MXRA7: variants seen among roughly 807,000 people sequenced by gnomAD.
MXRA7 encodes matrix remodeling associated 7, also known as matrix-remodeling-associated protein 7.
In MXRA7, 18 loss-of-function variants were observed where a neutral mutation model predicts 17.4. The observed-to-expected ratio is 1.03, with a 90% CI of 0.71 to 1.53. MXRA7 has a LOEUF of 1.53. Ranked by LOEUF, MXRA7 falls within the 40% of genes most tolerant of loss-of-function variation. The pLI is 0.00. For synonymous variants in MXRA7, 70 were observed against 101.7 expected, an observed-to-expected ratio of 0.69 and a Z score of 1.87; for missense variants, 141 against 209.3, an observed-to-expected ratio of 0.67 and a Z score of 2.01.
downstream of MXRA7, chr17:76,677,598 T>C (rs1324848648): frequency 6.2e-7 from 1 of 1,610,406 alleles, no homozygotes; most frequent in Non-Finnish European, 8.5e-7. Context: ...CTACATGTCG[T>C]AGAGCCGGAG....
At chr17:76,694,105 T>C (rs2076507189) in intron 1 of MXRA7, among the ~76,000 whole-genome samples, 1 of 152,182 alleles carries the variant, frequency 6.6e-6, no homozygotes, top group Non-Finnish European at 1.5e-5. Context: ...GGCGGGGGCA[T>C]AGGCCCAGGA....
intron 1 of MXRA7, among the ~76,000 whole-genome samples, chr17:76,701,391 C>T (rs1429608845): frequency 6.6e-6 from 1 of 151,670 alleles, no homozygotes; most frequent in African/African-American, 2.4e-5. Context: ...TGAGGAATGC[C>T]GGGTGGAGGG....
At chr17:76,687,838 G>T (rs938364931) in intron 2 of MXRA7, among the ~76,000 whole-genome samples, 3 of 152,250 alleles carry the variant, frequency 2.0e-5, no homozygotes, top group Non-Finnish European at 4.4e-5. Flanking sequence ...AGGCAGCGCA[G>T]GACAGAGCCA....
chr17:76,688,040 T>C, intron 2 of MXRA7, 73 bp downstream of exon 2: 2 of 1,119,784 alleles, frequency 1.8e-6, no homozygotes, highest in Non-Finnish European at 2.6e-6. Context: ...CCCCAGCTCC[T>C]GTGATCCCCA....
chr17:76,674,108 A>G (rs1407885377), exon 4 of MXRA7: 2 of 152,210 alleles, frequency 1.3e-5, no homozygotes. Flanking sequence ...GTGCAGCTGA[A>G]TGCTTTAGGT....
chr17:76,677,968 A>G (rs2076254940), downstream of MXRA7, among the ~76,000 whole-genome samples: 1 of 152,194 alleles, frequency 6.6e-6, no homozygotes, highest in South Asian at 2.1e-4. Flanking sequence ...GGTATCACTT[A>G]GGTGCTCTGT....
At chr17:76,685,314 CCT>C (rs1203021076) in intron 2 of MXRA7, 149 bp from the exon 3 acceptor site, 7 of 634,538 alleles carry the variant, frequency 1.1e-5, no homozygotes, top group African/African-American at 7.4e-5. Context: ...GCCTATACCC[CCT>C]CTCGTTCCAT....
At chr17:76,700,385 C>T (rs1409392881) in intron 1 of MXRA7, among the ~76,000 whole-genome samples, 2 of 152,172 alleles carry the variant, frequency 1.3e-5, no homozygotes, top group African/African-American at 4.8e-5. Flanking sequence ...CCGTCTCTGT[C>T]TGAACGCTTC....
chr17:76,698,056 G>T (rs990371355), intron 1 of MXRA7, among the ~76,000 whole-genome samples: 1 of 152,298 alleles, frequency 6.6e-6, no homozygotes, highest in East Asian at 1.9e-4. Context: ...AAGGTCTCTT[G>T]TGGCCCTGTG....
chr17:76,708,916 G>A (rs1278442802), intron 1 of MXRA7, among the ~76,000 whole-genome samples: 3 of 152,140 alleles, frequency 2.0e-5, no homozygotes. Flanking sequence ...GGGGCTGCCT[G>A]GCACGCGAAC....
intron 1 of MXRA7, among the ~76,000 whole-genome samples, chr17:76,691,000 G>A (rs749662820): frequency 9.2e-5 from 14 of 152,112 alleles, no homozygotes; most frequent in Admixed American, 5.9e-4. Flanking sequence ...GGAATTTCCC[G>A]GGTGACAGGA....
At chr17:76,699,967 T>C (rs1017142547) in intron 1 of MXRA7, among the ~76,000 whole-genome samples, 2 of 152,142 alleles carry the variant, frequency 1.3e-5, no homozygotes, top group Admixed American at 1.3e-4. Flanking sequence ...ATTTTTTATT[T>C]ATTTACTTTT....
chr17:76,677,562 GCC>G, downstream of MXRA7: 1 of 1,527,406 alleles, frequency 6.5e-7, no homozygotes, highest in Non-Finnish European at 9.0e-7. Context: ...ATCAGGCATG[GCC>G]GCTGTGCATC....
chr17:76,686,477 T>C (rs1742799088), intron 2 of MXRA7, among the ~76,000 whole-genome samples: 1 of 152,090 alleles, frequency 6.6e-6, no homozygotes. Flanking sequence ...AAGATTCCAG[T>C]ATCCCCCTAC....
At chr17:76,700,353 A>C (rs910326185) in intron 1 of MXRA7, among the ~76,000 whole-genome samples, 19 of 152,126 alleles carry the variant, frequency 1.2e-4, no homozygotes, top group African/African-American at 4.6e-4. Context: ...GCTGATGGAA[A>C]CTTGGATGAA....
chr17:76,688,013 T>TCC, intron 2 of MXRA7, 100 bp downstream of exon 2: 2 of 574,944 alleles, frequency 3.5e-6, no homozygotes, highest in Non-Finnish European at 6.3e-6. Flanking sequence ...ACCCCATCCC[T>TCC]CCCCTCGGCA....
In MXRA7 at chr17:76,702,090, G is replaced by C. The variant is rs1157253459; in HGVS notation, c.342+8515C>G. 4.6e-5 allele frequency among the ~76,000 whole-genome samples: 7 copies of C among 152,288 alleles called. No homozygotes were observed. In the South Asian group the frequency reaches 1.5e-3, roughly 32 times the overall value. ...TACATTTTGAGATAGAGAAAATATA[G>C]GACAGAGAAGAAAACTAAGAGATGA... On this transcript the variant is annotated intron_variant, in intron 1 of 3. Transcript: ENST00000449428.
intron 1 of MXRA7, among the ~76,000 whole-genome samples, chr17:76,705,005 C>T (rs1955013258): frequency 6.6e-6 from 1 of 152,124 alleles, no homozygotes; most frequent in African/African-American, 2.4e-5. Flanking sequence ...TGGTCTCCCT[C>T]CTCCCACAGT....
chr17:76,680,623 T>C lies in MXRA7; in HGVS notation c.*244A>G, dbSNP rs2076289908. On this transcript the variant is annotated 3_prime_UTR_variant, in exon 4 of 4. Transcript: ENST00000449428. ...GCTCTACCTCTTAAAACTCTTCAGCTTAACAAAGTGACCCACAGGAACAGA... is the reference window on the plus strand; with the variant it reads ...GCTCTACCTCTTAAAACTCTTCAGCCTAACAAAGTGACCCACAGGAACAGA... The C allele has an allele frequency of 3.1e-6, 4 of 1,303,640 alleles. No homozygotes were observed. In the Admixed American group the frequency reaches 1.5e-4, roughly 48 times the overall value. 80.8% of individuals were successfully genotyped at this position (1,303,640 alleles called of 1,614,324 possible). A position where few individuals can be genotyped will look rare whatever the true frequency, so the allele number is the denominator to read the frequency against.
Sources: allele counts gnomAD v4.1 joint callset (sites outside exome capture counted in the v4.1 genomes callset), GRCh38; gene constraint gnomAD v4.1.1; transcripts MANE v1.5; gene names NCBI Gene and HGNC (gene_info 2026-07-23, HGNC 2026-07-21).